HYCC1: variants seen among roughly 807,000 people sequenced by gnomAD.
HYCC1 encodes hyccin.
the HYCC1 span, among the ~76,000 whole-genome samples, chr7:23,000,382 A>G: frequency 1.3e-5 from 2 of 152,100 alleles, no homozygotes; most frequent in Non-Finnish European, 2.9e-5. Context: ...GTACCTATCT[A>G]TATCTATATA....
chr7:22,907,104 C>CAAAAAAAAAAAAAAAAAAAAAAAAAAAAA, the HYCC1 span, among the ~76,000 whole-genome samples: 1 of 43,540 alleles, frequency 2.3e-5, no homozygotes, highest in African/African-American at 9.8e-5. Context: ...GACTCTATCT[C>CAAAAAAAAAAAAAAAAAAAAAAAAAAAAA]AAAAAAAAAA....
the HYCC1 span, chr7:22,940,831 T>G: frequency 1.3e-5 from 2 of 151,874 alleles, no homozygotes; most frequent in Non-Finnish European, 2.9e-5. Flanking sequence ...TTTTTTTTTT[T>G]TTTAAGAGAT....
chr7:22,897,443 T>C, the HYCC1 span, among the ~76,000 whole-genome samples: 1 of 152,132 alleles, frequency 6.6e-6, no homozygotes, highest in East Asian at 1.9e-4. Flanking sequence ...ATGGAAGCAA[T>C]AAGACCAGAA....
chr7:22,899,269 G>A, the HYCC1 span, among the ~76,000 whole-genome samples: 4 of 152,112 alleles, frequency 2.6e-5, no homozygotes, highest in Admixed American at 2.6e-4. Context: ...ACACTTAGGA[G>A]GCAGGAAAGT....
the HYCC1 span, among the ~76,000 whole-genome samples, chr7:22,929,577 A>C: frequency 3.9e-5 from 6 of 152,236 alleles, no homozygotes; most frequent in East Asian, 7.7e-4. Flanking sequence ...ATGCAGCCAA[A>C]AAACACGTGA....
chr7:22,940,766 A>C, the HYCC1 span: 2 of 151,778 alleles, frequency 1.3e-5, no homozygotes, highest in Non-Finnish European at 2.9e-5. Flanking sequence ...TCTAGGTACT[A>C]GGGGCATATA....
the HYCC1 span, among the ~76,000 whole-genome samples, chr7:22,962,815 C>T: frequency 1.4e-5 from 2 of 145,710 alleles, no homozygotes; most frequent in Admixed American, 1.5e-4. Context: ...CACCCAGAAC[C>T]AAGCAACAGA....
the HYCC1 span, chr7:22,964,403 T>C: frequency 7.3e-7 from 1 of 1,364,856 alleles, no homozygotes. Flanking sequence ...TCGCATATGA[T>C]GAGATACTTA....
the HYCC1 span, chr7:22,983,976 G>C: frequency 6.2e-7 from 1 of 1,606,656 alleles, no homozygotes; most frequent in Non-Finnish European, 8.5e-7. Flanking sequence ...ACTTTATAGA[G>C]AGATGAAACT....
chr7:23,014,081 C>G, the HYCC1 span: 2 of 464,832 alleles, frequency 4.3e-6, no homozygotes, highest in Non-Finnish European at 8.8e-6. Context: ...CCCCTCCTCT[C>G]ACTGACTGAC....
chr7:22,938,492 C>T, the HYCC1 span: 1 of 152,184 alleles, frequency 6.6e-6, no homozygotes, highest in Admixed American at 6.6e-5. Context: ...CTATTATTTA[C>T]TTGTGCTTTA....
the HYCC1 span, chr7:22,935,053 C>T: frequency 6.6e-6 from 1 of 152,342 alleles, no homozygotes; most frequent in African/African-American, 2.4e-5. Context: ...AGGATAGCAT[C>T]TCAGCCTCTT....
At chr7:22,914,588 A>G in the HYCC1 span, among the ~76,000 whole-genome samples, 7 of 152,228 alleles carry the variant, frequency 4.6e-5, no homozygotes, top group South Asian at 1.5e-3. Context: ...TTTGTCAAAA[A>G]ATGGGCAAAT....
the HYCC1 span, among the ~76,000 whole-genome samples, chr7:22,988,230 G>A: frequency 6.6e-6 from 1 of 152,106 alleles, no homozygotes; most frequent in African/African-American, 2.4e-5. Flanking sequence ...CTATAATACA[G>A]ATTTGAAGAT....
chr7:22,909,071 A>G, the HYCC1 span, among the ~76,000 whole-genome samples: 1 of 152,126 alleles, frequency 6.6e-6, no homozygotes, highest in East Asian at 1.9e-4. Flanking sequence ...GAAACCACAC[A>G]TGGACTTCTC....
At chr7:22,927,670 C>A in the HYCC1 span, among the ~76,000 whole-genome samples, 1 of 152,086 alleles carries the variant, frequency 6.6e-6, no homozygotes, top group Non-Finnish European at 1.5e-5. Context: ...TAATAGCAGG[C>A]TCTGAAATTG....
the HYCC1 span, among the ~76,000 whole-genome samples, chr7:22,916,728 T>C: frequency 7.9e-5 from 12 of 152,204 alleles, no homozygotes; most frequent in Non-Finnish European, 1.5e-4. Context: ...CTACCAGGCC[T>C]AATTGCCACT....
At chr7:22,983,345 T>C in the HYCC1 span, among the ~76,000 whole-genome samples, 141 of 142,282 alleles carry the variant, frequency 9.9e-4, 1 homozygote, top group South Asian at 3.1e-3. Flanking sequence ...AAAAAAAAAA[T>C]CTAAATTAGC....
the HYCC1 span, among the ~76,000 whole-genome samples, chr7:22,980,960 C>T: frequency 1.3e-4 from 20 of 152,274 alleles, no homozygotes; most frequent in Middle Eastern, 6.8e-3. Context: ...CATCACATAT[C>T]GCAGGGCCTT....
Sources: gnomAD v4.1 joint callset for allele counts (sites outside exome capture counted in the v4.1 genomes callset) on GRCh38, gnomAD v4.1.1 for gene constraint, MANE v1.5 for transcripts, NCBI Gene and HGNC (gene_info 2026-07-23, HGNC 2026-07-21) for gene names.